XPR1: variants seen among roughly 807,000 people sequenced by gnomAD.
The protein encoded by XPR1 is solute carrier family 53 member 1.
A neutral mutation model predicts 87.5 loss-of-function variants in XPR1; 28 were observed. That is an observed-to-expected ratio of 0.32 (90% confidence interval 0.24 to 0.44). The LOEUF (loss-of-function observed/expected upper bound fraction) is 0.44. Ranked by LOEUF, XPR1 falls within the 20% of genes least tolerant of loss-of-function variation. XPR1 has a pLI of 1.00. For synonymous variants in XPR1, 300 were observed against 306.1 expected, an observed-to-expected ratio of 0.98 and a Z score of 0.21; for missense variants, 559 against 862.3, an observed-to-expected ratio of 0.65 and a Z score of 4.41.
intron 1 of XPR1, among the ~76,000 whole-genome samples, chr1:180,658,026 G>T (rs1054245355): frequency 6.6e-6 from 1 of 151,916 alleles, no homozygotes; most frequent in Non-Finnish European, 1.5e-5. Context: ...TAATTCCTAG[G>T]TATTTAATTT....
At chr1:180,727,031 C>T (rs1658379198) in intron 2 of XPR1, among the ~76,000 whole-genome samples, 3 of 151,962 alleles carry the variant, frequency 2.0e-5, no homozygotes, top group South Asian at 4.1e-4. Flanking sequence ...CCCACCACTG[C>T]GCCCCGCTAA....
At chr1:180,646,074 C>T (rs71630274) in intron 1 of XPR1, among the ~76,000 whole-genome samples, 8 of 152,310 alleles carry the variant, frequency 5.3e-5, no homozygotes, top group South Asian at 2.1e-4. Flanking sequence ...TTGTTGTTAA[C>T]GTCGGTAGAC....
At chr1:180,656,329 A>ATATT (rs1207457844) in intron 1 of XPR1, among the ~76,000 whole-genome samples, 2 of 117,400 alleles carry the variant, frequency 1.7e-5, no homozygotes, top group African/African-American at 6.9e-5. Flanking sequence ...TAATATTTAT[A>ATATT]TATATAATAT....
intron 1 of XPR1, among the ~76,000 whole-genome samples, chr1:180,666,404 C>G (rs1655964430): frequency 6.6e-6 from 1 of 152,194 alleles, no homozygotes; most frequent in Non-Finnish European, 1.5e-5. Flanking sequence ...AATATTGAGT[C>G]TTATAATACA....
intron 11 of XPR1, 151 bp downstream of exon 11, chr1:180,836,867 T>G: frequency 2.3e-6 from 2 of 868,276 alleles, no homozygotes. Flanking sequence ...TGTTCTTGAA[T>G]GCAGTTTTAG....
chr1:180,815,335 C>A (rs778975193), intron 7 of XPR1, among the ~76,000 whole-genome samples: 1 of 151,912 alleles, frequency 6.6e-6, no homozygotes, highest in Non-Finnish European at 1.5e-5. Flanking sequence ...TTTAGTGTTA[C>A]GCATTATGTT....
At chr1:180,792,519 A>G (rs567396171) in intron 3 of XPR1, among the ~76,000 whole-genome samples, 103 of 152,324 alleles carry the variant, frequency 6.8e-4, no homozygotes, top group Non-Finnish European at 8.7e-4. Flanking sequence ...GCTATTTTCA[A>G]TATTCAGAAA....
intron 7 of XPR1, among the ~76,000 whole-genome samples, chr1:180,817,446 T>TGTAAGTAC (rs1650451007): frequency 1.3e-5 from 2 of 152,204 alleles, no homozygotes; most frequent in Non-Finnish European, 2.9e-5. Flanking sequence ...CTCCATTCAT[T>TGTAAGTAC]GTAAGTACCC....
At chr1:180,636,050 C>T (rs1208045712) in intron 1 of XPR1, among the ~76,000 whole-genome samples, 4 of 152,060 alleles carry the variant, frequency 2.6e-5, no homozygotes, top group African/African-American at 7.3e-5. Flanking sequence ...AAAGGGATGA[C>T]GATGAATTAA....
At chr1:180,791,952 C>T (rs1649405723) in intron 3 of XPR1, among the ~76,000 whole-genome samples, 1 of 152,134 alleles carries the variant, frequency 6.6e-6, no homozygotes. Context: ...TGTGTATTGG[C>T]AGGGCCAGTG....
chr1:180,671,687 G>T (rs1198218910), intron 1 of XPR1, among the ~76,000 whole-genome samples: 2 of 152,096 alleles, frequency 1.3e-5, no homozygotes, highest in African/African-American at 4.8e-5. Context: ...GCTAATTTCT[G>T]TATTTTTAGT....
chr1:180,833,080 C>T (rs1651131206), intron 9 of XPR1, among the ~76,000 whole-genome samples: 1 of 152,076 alleles, frequency 6.6e-6, no homozygotes, highest in Non-Finnish European at 1.5e-5. Context: ...CTTCACATCC[C>T]TTGTAAGTTG....
intron 12 of XPR1, among the ~76,000 whole-genome samples, chr1:180,864,365 A>G (rs905141616): frequency 6.6e-6 from 1 of 152,114 alleles, no homozygotes; most frequent in Non-Finnish European, 1.5e-5. Flanking sequence ...CCCTATATAA[A>G]CTACCATTAT....
At chr1:180,860,039 T>A (rs1019442082) in intron 11 of XPR1, among the ~76,000 whole-genome samples, 4 of 152,018 alleles carry the variant, frequency 2.6e-5, no homozygotes, top group Admixed American at 6.6e-5. Flanking sequence ...CCCCTCAAAA[T>A]TTTTGGCCAA....
chr1:180,832,758 A>G (rs928388992), intron 9 of XPR1, among the ~76,000 whole-genome samples: 1 of 151,912 alleles, frequency 6.6e-6, no homozygotes, highest in South Asian at 2.1e-4. Flanking sequence ...TGTTTTGGTT[A>G]CTGTAGCCTT....
chr1:180,649,692 A>G (rs952288146), intron 1 of XPR1, among the ~76,000 whole-genome samples: 8 of 152,150 alleles, frequency 5.3e-5, no homozygotes, highest in Non-Finnish European at 1.5e-5. Context: ...TAGAGATCCT[A>G]CTATTTAGTA....
rs201149247 is a variant in XPR1 at position 180,719,531 on chromosome 1, C to G, written c.121+37120C>G. On this transcript the variant is annotated intron_variant, in intron 2 of 14. Coordinates refer to ENST00000367590, the MANE Select transcript of XPR1 (RefSeq NM_004736.4). ...AATAAAAAGTTGACCTTTGTTCTTG[C>G]AGCAATTTAAAGATGCTATTCTGTT... Among the ~76,000 whole-genome samples the G allele has an allele frequency of 3.9e-5, 6 of 152,158 alleles. No homozygotes were observed. In the East Asian group the frequency reaches 1.2e-3, roughly 29 times the overall value.
At chr1:180,825,092 G>C (rs1650779689) in intron 8 of XPR1, 73 bp from the exon 9 acceptor site, 1 of 1,518,660 alleles carries the variant, frequency 6.6e-7, no homozygotes, top group African/African-American at 1.4e-5. Flanking sequence ...TTTTATTAAA[G>C]ATATTTTAAG....
chr1:180,859,564 G>A (rs746213146), intron 11 of XPR1, among the ~76,000 whole-genome samples: 5 of 152,092 alleles, frequency 3.3e-5, no homozygotes, highest in Non-Finnish European at 1.5e-5. Flanking sequence ...AGGGAGAGAG[G>A]CATTCTTCAC....
Sources: allele counts gnomAD v4.1 joint callset (sites outside exome capture counted in the v4.1 genomes callset), GRCh38; gene constraint gnomAD v4.1.1; transcripts MANE v1.5; gene names NCBI Gene and HGNC (gene_info 2026-07-23, HGNC 2026-07-21).